INSL6: variants seen among roughly 807,000 people sequenced by gnomAD.
INSL6 encodes insulin-like peptide INSL6.
In INSL6, 16 loss-of-function variants were observed where a neutral mutation model predicts 9.4. The observed-to-expected ratio is 1.70, with a 90% confidence interval of 1.15 to 2.59. INSL6 has a LOEUF of 2.59. INSL6 is among the 30% of genes most tolerant of loss of function. INSL6 has a pLI of 0.00. For missense variants in INSL6, 391 were observed against 257.3 expected, an observed-to-expected ratio of 1.52 and a Z score of -3.56; for synonymous variants, 154 against 96.9, an observed-to-expected ratio of 1.59 and a Z score of -3.46.
the INSL6 span, among the ~76,000 whole-genome samples, chr9:4,996,928 C>CTTTTTTTTTTTTTTT: frequency 1.1e-5 from 1 of 94,706 alleles, no homozygotes; most frequent in African/African-American, 4.4e-5. Context: ...TTAGTTTGTT[C>CTTTTTTTTTTTTTTT]TTTTTTTTTT....
At chr9:5,033,378 A>G in the INSL6 span, among the ~76,000 whole-genome samples, 2 of 152,198 alleles carry the variant, frequency 1.3e-5, no homozygotes, top group Non-Finnish European at 2.9e-5. Context: ...CAAATTCAGG[A>G]AATAGAGAGA....
chr9:5,024,833 C>A, the INSL6 span, among the ~76,000 whole-genome samples: 3 of 152,096 alleles, frequency 2.0e-5, no homozygotes, highest in Non-Finnish European at 2.9e-5. Flanking sequence ...CCAGTCAGGG[C>A]AAAAGAGAGA....
At chr9:5,038,596 AT>A in the INSL6 span, among the ~76,000 whole-genome samples, 15,722 of 146,428 alleles carry the variant, frequency 0.11, 2,056 homozygotes, top group African/African-American at 0.32. Flanking sequence ...TGGATTTTAG[AT>A]TTTTTTTTTT....
At chr9:5,031,094 G>T in the INSL6 span, among the ~76,000 whole-genome samples, 4 of 152,026 alleles carry the variant, frequency 2.6e-5, no homozygotes, top group African/African-American at 9.7e-5. Context: ...GAAGAATTAG[G>T]ACATAACATT....
In INSL6 at chr9:5,180,266, C is replaced by T. The variant is rs192944776; in HGVS notation, c.289+5048G>A. ...AGGACCACTGTGATAATTGTGTTAA[C>T]TGTACAAATTGATTGTAAAACGTGT... On this transcript the variant is annotated intron_variant, in intron 1 of 1. Transcript: ENST00000381641. Among the ~76,000 whole-genome samples, 644 of 152,254 alleles carry T rather than the reference C, an allele frequency of 4.2e-3. 3 individuals carry two copies. The highest frequency in any genetic ancestry group is 7.5e-3 in the Non-Finnish European group (511 of 68,030).
At chr9:5,063,156 T>C in the INSL6 span, among the ~76,000 whole-genome samples, 4 of 152,200 alleles carry the variant, frequency 2.6e-5, no homozygotes, top group Admixed American at 1.3e-4. Context: ...TATGTAAATA[T>C]TGTTCATTGC....
chr9:5,107,383 A>T, the INSL6 span, among the ~76,000 whole-genome samples: 2 of 152,094 alleles, frequency 1.3e-5, no homozygotes, highest in African/African-American at 4.8e-5. Flanking sequence ...CTTTTCCATA[A>T]AATTCTTCCT....
the INSL6 span, among the ~76,000 whole-genome samples, chr9:5,032,853 A>G: frequency 1.3e-5 from 2 of 152,236 alleles, no homozygotes; most frequent in Non-Finnish European, 1.5e-5. Context: ...CCTCCTCCAA[A>G]GGAACGCAGC....
chr9:5,012,805 A>T, the INSL6 span, among the ~76,000 whole-genome samples: 1 of 152,196 alleles, frequency 6.6e-6, no homozygotes, highest in Non-Finnish European at 1.5e-5. Context: ...GAGGTTGGAG[A>T]GGTAAGCAGC....
chr9:5,150,819 T>C (rs1824696294), intron 2 of INSL6, among the ~76,000 whole-genome samples: 1 of 150,650 alleles, frequency 6.6e-6, no homozygotes, highest in Non-Finnish European at 1.5e-5. Context: ...AACCTAAGTA[T>C]CCATCAACAG....
the INSL6 span, among the ~76,000 whole-genome samples, chr9:5,049,664 G>C: frequency 6.6e-6 from 1 of 152,168 alleles, no homozygotes; most frequent in Non-Finnish European, 1.5e-5. Context: ...TGATGACTGA[G>C]ACCACATCTT....
chr9:5,152,993 C>A (rs112156467), intron 2 of INSL6, among the ~76,000 whole-genome samples: 6,340 of 152,242 alleles, frequency 0.042, 425 homozygotes, highest in African/African-American at 0.14. Flanking sequence ...AGGGACTGTA[C>A]CCTGCACTCC....
At chr9:5,052,868 T>A in the INSL6 span, among the ~76,000 whole-genome samples, 1 of 152,116 alleles carries the variant, frequency 6.6e-6, no homozygotes, top group Non-Finnish European at 1.5e-5. Context: ...TATATAGATA[T>A]ACCACATTTT....
chr9:5,183,351 G>C (rs955272183), intron 1 of INSL6, among the ~76,000 whole-genome samples: 2 of 151,940 alleles, frequency 1.3e-5, no homozygotes, highest in Admixed American at 6.5e-5. Context: ...CTTTTACATA[G>C]TTTCCATAGT....
At chr9:5,184,440 A>T (rs1468826705) in intron 1 of INSL6, among the ~76,000 whole-genome samples, 4 of 152,236 alleles carry the variant, frequency 2.6e-5, no homozygotes, top group African/African-American at 9.6e-5. Context: ...AGATATACCA[A>T]TGAATCTGGA....
chr9:5,070,125 A>G, the INSL6 span: 3 of 1,064,526 alleles, frequency 2.8e-6, no homozygotes, highest in Admixed American at 5.0e-5. Flanking sequence ...ATTTACATTC[A>G]TGTGACATTG....
chr9:5,042,871 C>T, the INSL6 span, among the ~76,000 whole-genome samples: 8 of 152,352 alleles, frequency 5.3e-5, no homozygotes, highest in Middle Eastern at 3.4e-3. Context: ...GCCACAGGCA[C>T]GGCCACCGCA....
the INSL6 span, chr9:5,089,583 A>AG: frequency 2.7e-6 from 1 of 376,608 alleles, no homozygotes; most frequent in Non-Finnish European, 4.6e-6. Context: ...TGCTAATTCC[A>AG]GCTACTAGAA....
intron 2 of INSL6, among the ~76,000 whole-genome samples, chr9:5,157,329 C>T (rs1291791763): frequency 2.0e-5 from 3 of 151,982 alleles, no homozygotes; most frequent in African/African-American, 7.2e-5. Flanking sequence ...GGAGAACTTA[C>T]ACTATTTAAT....
Sources: gnomAD v4.1 joint callset for allele counts (sites outside exome capture counted in the v4.1 genomes callset) on GRCh38, gnomAD v4.1.1 for gene constraint, MANE v1.5 for transcripts, NCBI Gene and HGNC (gene_info 2026-07-23, HGNC 2026-07-21) for gene names.